Variants in OTOF observed in about 807,000 individuals in gnomAD.
The protein encoded by OTOF is otoferlin.
OTOF carries 218 observed loss-of-function variants against 236.8 expected under a neutral mutation model. The observed-to-expected ratio is 0.92, with a 90% CI of 0.82 to 1.03. OTOF has a LOEUF of 1.03. Ranked by LOEUF, OTOF falls within the 50% of genes least tolerant of loss-of-function variation. The pLI is 0.00. For missense variants in OTOF, 2,590 were observed against 2,694.4 expected, an observed-to-expected ratio of 0.96 and a Z score of 0.86; for synonymous variants, 1,041 against 1,072.5, an observed-to-expected ratio of 0.97 and a Z score of 0.57.
In OTOF at chr2:26,502,351, G is replaced by A. The variant is rs1245016113; in HGVS notation, c.659C>T (p.Ser220Leu). The A allele has an allele frequency of 3.1e-6, 5 of 1,613,958 alleles. No individual in the cohort carries two copies. Among genetic ancestry groups the A allele is most frequent in the Middle Eastern group, 1.6e-4 (1 of 6,062 alleles). ...AGCTGTGACTGAGGCTAGAGACACC[G>A]AGTCGGGATCCAGTCCATCTCCTAG... ...IRLGDGLDPD[S>L]VSLASVTALT... The change falls in exon 7 of 47, where the codon TCG (serine) becomes TTG (leucine). Residue 220 changes from serine to leucine, a missense_variant. Transcript: ENST00000272371.
chr2:26,544,066 G>T (rs886918093), intron 1 of OTOF, among the ~76,000 whole-genome samples: 1 of 152,164 alleles, frequency 6.6e-6, no homozygotes, highest in Admixed American at 6.6e-5. Context: ...TATAAAAATG[G>T]CTTCTTCTAT....
chr2:26,465,745 T>C lies in OTOF; in HGVS notation c.4726A>G (p.Thr1576Ala). The C allele has an allele frequency of 6.2e-7, 1 of 1,614,238 alleles. No individual in the cohort carries two copies. The highest frequency in any genetic ancestry group is 8.5e-7 in the Non-Finnish European group (1 of 1,180,032). Residue 1576 changes from threonine (T) to alanine (A), a missense_variant, in exon 38 of 47, where the codon ACC (threonine) becomes GCC (alanine). Physicochemically the swap from Thr to Ala is moderately conservative, Grantham distance 58. Transcript: ENST00000272371. Reference protein sequence around the residue: ...LVGTDDLIGETKIDLENRFYS... With the variant: ...LVGTDDLIGEAKIDLENRFYS... Reference sequence around the variant, plus strand: ...AAGCGGTTCTCCAGGTCGATCTTGGTTTCCCCAATGAGGTCATCAGTGCCC... The same window carrying C: ...AAGCGGTTCTCCAGGTCGATCTTGGCTTCCCCAATGAGGTCATCAGTGCCC...
At chr2:26,513,982 T>C (rs1248286770) in intron 5 of OTOF, among the ~76,000 whole-genome samples, 3 of 152,208 alleles carry the variant, frequency 2.0e-5, no homozygotes, top group Non-Finnish European at 4.4e-5. Context: ...CAGAACTCAA[T>C]GGCCCCATAT....
chr2:26,484,414 G>A, intron 12 of OTOF, 60 bp downstream of exon 12: 2 of 1,588,330 alleles, frequency 1.3e-6, no homozygotes, highest in Non-Finnish European at 1.7e-6. Context: ...CTCACCGGGG[G>A]CTCCCTGGGG....
intron 3 of OTOF, among the ~76,000 whole-genome samples, chr2:26,521,595 G>A (rs535767098): frequency 1.8e-4 from 28 of 152,246 alleles, no homozygotes; most frequent in African/African-American, 6.5e-4. Flanking sequence ...ACAGTGATGG[G>A]GCTGTCACTG....
In OTOF at chr2:26,558,632, GCACGGCT is replaced by G. The variant is rs1667656587; in HGVS notation, c.-68_-62del. 5.0e-6 allele frequency: 7 copies of G among 1,392,754 alleles called. No homozygotes were observed. The highest frequency in any genetic ancestry group is 7.1e-6 in the Non-Finnish European group (7 of 980,460). The allele number at this position is 1,392,754 out of a possible 1,614,324, so 86.3% of individuals were successfully genotyped here. A position where few individuals can be genotyped will look rare whatever the true frequency, so the allele number is the denominator to read the frequency against. On this transcript the variant is annotated 5_prime_UTR_variant, in exon 1 of 47. Transcript: ENST00000272371. ...CAGCGGGAAGGAGCTAGCCGGTGGA[GCACGGCT>G]CACACGCCTCTCTCTTCTCTGCCGC... is the stretch of plus-strand genomic sequence containing the variant.
In OTOF at chr2:26,472,226, A is replaced by T. The variant is rs527496471; in HGVS notation, c.3864+293T>A. Reference sequence around the variant, plus strand: ...GCACATATGCACACCACACATACGCATGCACGCACAAATGCACATACATCA... The same window carrying T: ...GCACATATGCACACCACACATACGCTTGCACGCACAAATGCACATACATCA... On this transcript the variant is annotated intron_variant, in intron 30 of 46. Transcript: ENST00000272371. The T allele has an allele frequency of 2.6e-5, 12 of 460,598 alleles. No individual in the cohort carries two copies. In the East Asian group the frequency reaches 4.9e-4, roughly 19 times the overall value. 28.5% of individuals were successfully genotyped at this position (460,598 alleles called of 1,614,324 possible).
chr2:26,481,571 T>C (rs550407152), intron 14 of OTOF, among the ~76,000 whole-genome samples: 1 of 152,336 alleles, frequency 6.6e-6, no homozygotes, highest in East Asian at 1.9e-4. Context: ...TCTGCCTTTT[T>C]TTAAAAAACA....
chr2:26,506,615 T>C (rs1666254941), intron 5 of OTOF, among the ~76,000 whole-genome samples: 1 of 152,226 alleles, frequency 6.6e-6, no homozygotes, highest in Non-Finnish European at 1.5e-5. Context: ...ACCTGAGGCA[T>C]CCCTGGGGCA....
rs768901515 is a variant in OTOF, at chr2:26,476,873, T to C, written c.2676+18A>G. On this transcript the variant is annotated intron_variant, in intron 22 of 46. Transcript: ENST00000272371. ...CTGAAAGGACCCAGGCCCCCATCCATCCTGCCCCCTCCAGCACCTTAAGGA... is the reference window on the plus strand; with the variant it reads ...CTGAAAGGACCCAGGCCCCCATCCACCCTGCCCCCTCCAGCACCTTAAGGA... 1 of 1,604,632 alleles carries C rather than the reference T, an allele frequency of 6.2e-7. No homozygotes were observed. The highest frequency in any genetic ancestry group is 8.5e-7 in the Non-Finnish European group (1 of 1,178,796).
chr2:26,489,136 A>G lies in OTOF; in HGVS notation c.1045+75T>C. ...CCAGCCTTTTCCCAGGAACTGCCAC[A>G]GTGGGAAGGGCCCCGTGCACCACGC... On this transcript the variant is annotated intron_variant, in intron 11 of 46. Transcript: ENST00000272371. The G allele has an allele frequency of 2.8e-6, 3 of 1,058,466 alleles. 1 individual carries two copies. The highest frequency in any genetic ancestry group is 1.4e-6 in the Non-Finnish European group (1 of 702,792). 65.6% of individuals were successfully genotyped at this position (1,058,466 alleles called of 1,614,324 possible). A position where few individuals can be genotyped will look rare whatever the true frequency, so the allele number is the denominator to read the frequency against.
chr2:26,531,338 C>T (rs957215709), intron 2 of OTOF, among the ~76,000 whole-genome samples: 1 of 152,204 alleles, frequency 6.6e-6, no homozygotes, highest in African/African-American at 2.4e-5. Context: ...TGAGTTCTAG[C>T]CCTGGCTCTG....
At position 26,477,310 on chromosome 2, in the gene OTOF, T is replaced by C. The variant is rs777459892; in HGVS notation, c.2407-22A>G. 1.9e-6 allele frequency: 3 copies of C among 1,605,842 alleles called. No individual in the cohort carries two copies. Among genetic ancestry groups the C allele is most frequent in the Non-Finnish European group, 2.6e-6 (3 of 1,175,950 alleles). On this transcript the variant is annotated intron_variant, in intron 20 of 46. Coordinates refer to ENST00000272371, the MANE Select transcript of OTOF (RefSeq NM_194248.3). This position sits in a 1 kb window ranked among gnomAD's most constrained non-coding sequence, Gnocchi z 4.7. Reference sequence around the variant, plus strand: ...TTTCCTGCGAAGGAGGGGGTGTCAGTGAACCCAGCAACTGGGGGACAGCTC... The same window carrying C: ...TTTCCTGCGAAGGAGGGGGTGTCAGCGAACCCAGCAACTGGGGGACAGCTC...
intron 6 of OTOF, 120 bp from the exon 7 acceptor site, chr2:26,502,546 C>T (rs1666143182): frequency 7.8e-6 from 8 of 1,019,200 alleles, no homozygotes; most frequent in East Asian, 5.2e-5. Context: ...TAGTTGCTAC[C>T]GCTTAGAATA....
intron 11 of OTOF, among the ~76,000 whole-genome samples, chr2:26,487,527 A>G (rs538856242): frequency 1.3e-5 from 2 of 152,264 alleles, no homozygotes; most frequent in African/African-American, 4.8e-5. Context: ...TGATGCCTAT[A>G]TGGGGTCGTG....
intron 1 of OTOF, among the ~76,000 whole-genome samples, chr2:26,544,013 G>A (rs111750673): frequency 2.0e-5 from 3 of 152,336 alleles, no homozygotes; most frequent in African/African-American, 7.2e-5. Flanking sequence ...GGGCCACTGC[G>A]CCCAGCTTGC....
At chr2:26,485,161 G>A (rs1054594181) in intron 11 of OTOF, among the ~76,000 whole-genome samples, 3 of 152,158 alleles carry the variant, frequency 2.0e-5, no homozygotes, top group African/African-American at 4.8e-5. Context: ...CAGGTGTTGC[G>A]GTTTTATATG....
rs759273810 is a variant in OTOF, at chr2:26,501,801, G to A, written c.718C>T (p.Pro240Ser). 1.9e-6 allele frequency: 3 copies of A among 1,613,160 alleles called. No individual in the cohort carries two copies. The highest frequency in any genetic ancestry group is 2.2e-5 in the East Asian group (1 of 44,886). ...TTNVSNKRSK[P>S]DIKMEPSAGR... The stretch of plus-strand genomic sequence containing the variant: ...GCACTTGGCTCCATCTTAATGTCTG[G>A]CTTAGATCTGAGGAAGAGAATGTAC... The change falls in exon 8 of 47, where the codon CCA becomes TCA. Residue 240 changes from proline (P) to serine (S), a missense_variant. Transcript: ENST00000272371.
Position 26,460,103 on chromosome 2 carries a change from G to T in OTOF, c.5916C>A (p.Leu1972=). ...YRWLLLKLLL[L]LLLLLLLALF... Reference sequence around the variant, plus strand: ...GGGCGAGGAGGAGGAGCAGCAGCAGGAGCAGCAACAGTTTGAGGAGCAGCC... The same window carrying T: ...GGGCGAGGAGGAGGAGCAGCAGCAGTAGCAGCAACAGTTTGAGGAGCAGCC... The change falls in exon 46 of 47, where the codon CTC becomes CTA. Residue 1972 remains leucine (L), a synonymous_variant. Transcript: ENST00000272371. The surrounding 1 kb of genome is among the most constrained non-coding windows in gnomAD (Gnocchi z 5.3). 6.3e-7 allele frequency: 1 copy of T among 1,585,678 alleles called. No homozygotes were observed. Among genetic ancestry groups the T allele is most frequent in the Non-Finnish European group, 8.6e-7 (1 of 1,165,548 alleles).
Sources: allele counts gnomAD v4.1 joint callset (sites outside exome capture counted in the v4.1 genomes callset), GRCh38; gene constraint gnomAD v4.1.1; non-coding constraint Gnocchi (gnomAD v3.1); transcripts MANE v1.5; gene names NCBI Gene and HGNC (gene_info 2026-07-23, HGNC 2026-07-21).